TNR: variants seen among roughly 807,000 people sequenced by gnomAD.
TNR encodes the protein tenascin-R.
Under a neutral mutation model 150.4 loss-of-function variants are expected in TNR, and 45 were observed. The ratio of observed to expected loss-of-function variants is 0.30; its 90% CI spans 0.24 to 0.38. The LOEUF is 0.38. Among genes scored for constraint, TNR ranks in the 10% least tolerant of loss-of-function variants. TNR has a pLI of 1.00. For synonymous variants in TNR, 687 were observed against 678.4 expected, an observed-to-expected ratio of 1.01 and a Z score of -0.20; for missense variants, 1,544 against 1,759.1, an observed-to-expected ratio of 0.88 and a Z score of 2.19.
intron 1 of TNR, among the ~76,000 whole-genome samples, chr1:175,727,707 G>C (rs1432909366): frequency 6.6e-6 from 1 of 152,184 alleles, no homozygotes; most frequent in Admixed American, 6.5e-5. Context: ...ACTTGGGGAG[G>C]GTTGGCCTTG....
intron 9 of TNR, among the ~76,000 whole-genome samples, chr1:175,377,615 AG>A (rs753039670): frequency 3.3e-5 from 5 of 151,968 alleles, no homozygotes; most frequent in Non-Finnish European, 7.4e-5. Context: ...CTGTGCCTTT[AG>A]GAGTGCGTCT....
Position 175,322,687 on chromosome 1 carries a change from C to T in TNR, c.*670G>A, listed in dbSNP as rs2027868. 0.75 allele frequency: 114,743 copies of T among 152,148 alleles called. 43,464 individuals are homozygous for T. The highest frequency in any genetic ancestry group is 0.81 in the African/African-American group (33,634 of 41,468). The allele number at this position is 152,148 out of a possible 1,614,324, so 9.4% of individuals were successfully genotyped here. On this transcript the variant is annotated 3_prime_UTR_variant, in exon 23 of 23. Transcript: ENST00000367674. ...GTCCCAGCTACTCAAGAGGCTGAGA[C>T]GAGAGGATCACTTAAGCTCAGGAAG... is the stretch of plus-strand genomic sequence containing the variant.
intron 2 of TNR, among the ~76,000 whole-genome samples, chr1:175,416,730 C>T (rs12036416): frequency 0.25 from 37,425 of 152,044 alleles, 5,497 homozygotes; most frequent in East Asian, 0.51. Flanking sequence ...AGAAGTGGGC[C>T]GGGTGCGGTG....
intron 1 of TNR, among the ~76,000 whole-genome samples, chr1:175,733,407 G>A (rs1667692603): frequency 1.3e-5 from 2 of 152,184 alleles, no homozygotes; most frequent in South Asian, 4.1e-4. Context: ...GAAGGATGCT[G>A]CTTGGGAGGG....
At chr1:175,671,910 C>CCT (rs1457028021) in intron 1 of TNR, among the ~76,000 whole-genome samples, 1 of 100,892 alleles carries the variant, frequency 9.9e-6, no homozygotes, top group Non-Finnish European at 2.0e-5. Context: ...ATGAGCTGTA[C>CCT]CTGTGTGTGT....
rs79810065 is a variant in TNR at position 175,511,811 on chromosome 1, T to C, written c.-64+16458A>G. Among the ~76,000 whole-genome samples, 474 of 152,344 alleles carry C rather than the reference T, an allele frequency of 3.1e-3. 2 individuals carry two copies. The highest frequency in any genetic ancestry group is 0.021 in the East Asian group (111 of 5,186). ...CCGTAGTGAGGTGATCACGGACTCT[T>C]CTTCCAGAAAGGCACAACAGTCCTG... On this transcript the variant is annotated intron_variant, in intron 2 of 22. Coordinates refer to ENST00000367674, the MANE Select transcript of TNR (RefSeq NM_003285.3).
intron 1 of TNR, among the ~76,000 whole-genome samples, chr1:175,633,136 T>C (rs946969235): frequency 6.6e-6 from 1 of 152,200 alleles, no homozygotes. Context: ...GAGTTAGTGC[T>C]ACACATACAT....
intron 1 of TNR, among the ~76,000 whole-genome samples, chr1:175,634,021 G>C (rs564006025): frequency 8.0e-6 from 1 of 125,676 alleles, no homozygotes; most frequent in African/African-American, 3.3e-5. Flanking sequence ...TGACGATGAT[G>C]ATGATGATAA....
At chr1:175,665,300 T>G (rs989685839) in intron 1 of TNR, among the ~76,000 whole-genome samples, 4 of 152,210 alleles carry the variant, frequency 2.6e-5, no homozygotes, top group Non-Finnish European at 5.9e-5. Flanking sequence ...CCCAAACCCA[T>G]GCTCTCTGTG....
At chr1:175,545,089 G>A (rs535017865) in intron 1 of TNR, among the ~76,000 whole-genome samples, 101 of 152,262 alleles carry the variant, frequency 6.6e-4, no homozygotes, top group Non-Finnish European at 1.5e-4. Context: ...AACATTTATT[G>A]TCGTAAGCCA....
At position 175,402,762 on chromosome 1, in the gene TNR, G is replaced by T. The variant is rs78086891; in HGVS notation, c.976+378C>A. Reference sequence around the variant, plus strand: ...GGAGACAATTTTGAGCAGGTGGAACGCTTGGGATCCCTCAGAGTTAGAGAA... The same window carrying T: ...GGAGACAATTTTGAGCAGGTGGAACTCTTGGGATCCCTCAGAGTTAGAGAA... On this transcript the variant is annotated intron_variant, in intron 4 of 22. Coordinates refer to ENST00000367674, the MANE Select transcript of TNR (RefSeq NM_003285.3). Among the ~76,000 whole-genome samples the T allele has an allele frequency of 4.3e-3, 661 of 152,232 alleles. 4 individuals are homozygous for T. Among genetic ancestry groups the T allele is most frequent in the African/African-American group, 0.015 (639 of 41,526 alleles).
chr1:175,432,557 C>T (rs1306603398), intron 2 of TNR, among the ~76,000 whole-genome samples: 1 of 152,162 alleles, frequency 6.6e-6, no homozygotes, highest in Non-Finnish European at 1.5e-5. Flanking sequence ...ATTTTTCCTA[C>T]ACGACTTTCT....
intron 1 of TNR, among the ~76,000 whole-genome samples, chr1:175,531,579 C>T (rs1327543681): frequency 6.6e-6 from 1 of 152,102 alleles, no homozygotes; most frequent in Admixed American, 6.5e-5. Context: ...AAGTGGCACC[C>T]CAAGAGACAT....
At chr1:175,679,442 A>G (rs1410112291) in intron 1 of TNR, among the ~76,000 whole-genome samples, 1 of 152,236 alleles carries the variant, frequency 6.6e-6, no homozygotes, top group Non-Finnish European at 1.5e-5. Flanking sequence ...GAGAGACAAC[A>G]TTAATAGAAG....
chr1:175,548,117 G>A (rs772750108), intron 1 of TNR, among the ~76,000 whole-genome samples: 1 of 152,138 alleles, frequency 6.6e-6, no homozygotes, highest in East Asian at 1.9e-4. Context: ...TGGACCAGGT[G>A]GACCATGCAT....
At chr1:175,636,002 G>A (rs1354207497) in intron 1 of TNR, among the ~76,000 whole-genome samples, 1 of 152,104 alleles carries the variant, frequency 6.6e-6, no homozygotes, top group East Asian at 1.9e-4. Flanking sequence ...CTAGTCTCAG[G>A]CCATACCATG....
chr1:175,435,997 T>A (rs1655491065), intron 2 of TNR, among the ~76,000 whole-genome samples: 1 of 152,274 alleles, frequency 6.6e-6, no homozygotes, highest in African/African-American at 2.4e-5. Context: ...GAGTTTCTGC[T>A]GAGAGATCAG....
At chr1:175,372,906 G>A (rs936057487) in intron 9 of TNR, among the ~76,000 whole-genome samples, 2 of 152,154 alleles carry the variant, frequency 1.3e-5, no homozygotes, top group Middle Eastern at 3.2e-3. Flanking sequence ...TTCACAGAGA[G>A]GGACAAACTG....
At chr1:175,529,708 T>C (rs1228205673) in intron 1 of TNR, among the ~76,000 whole-genome samples, 1 of 152,230 alleles carries the variant, frequency 6.6e-6, no homozygotes, top group Non-Finnish European at 1.5e-5. Flanking sequence ...CAGATAGCTC[T>C]GAGACTAGAA....
Sources: allele counts gnomAD v4.1 joint callset (sites outside exome capture counted in the v4.1 genomes callset), GRCh38; gene constraint gnomAD v4.1.1; transcripts MANE v1.5; gene names NCBI Gene and HGNC (gene_info 2026-07-23, HGNC 2026-07-21).